Variants in HDHD2 observed in about 807,000 individuals in gnomAD.
HDHD2 encodes haloacid dehalogenase-like hydrolase domain-containing protein 2.
Under a neutral mutation model 24.8 loss-of-function variants are expected in HDHD2, and 26 were observed. The observed-to-expected ratio is 1.05, with a 90% confidence interval of 0.77 to 1.45. HDHD2 has a LOEUF of 1.45. HDHD2 is among the 40% of genes most tolerant of loss of function. The pLI, the probability that HDHD2 is intolerant of heterozygous loss-of-function variation, is 0.00. For synonymous variants in HDHD2, 128 were observed against 114.9 expected (o/e 1.11, Z -0.73); for missense variants, 299 against 313.4 (o/e 0.95, Z 0.35).
At chr18:47,111,674 C>A (rs1480229137) in intron 6 of HDHD2, 1 of 985,310 alleles carries the variant, frequency 1.0e-6, no homozygotes, top group African/African-American at 1.7e-5. Context: ...ATCTGCAAGG[C>A]TCCAATGGTT....
At chr18:47,134,037 A>G (rs1248724168) in intron 3 of HDHD2, among the ~76,000 whole-genome samples, 1 of 152,240 alleles carries the variant, frequency 6.6e-6, no homozygotes, top group Non-Finnish European at 1.5e-5. Flanking sequence ...TGTTTTACAC[A>G]TGAAGTCCTT....
chr18:47,121,641 T>C (rs2063608005), intron 4 of HDHD2, among the ~76,000 whole-genome samples: 1 of 152,170 alleles, frequency 6.6e-6, no homozygotes, highest in African/African-American at 2.4e-5. Context: ...AATTCTTTAA[T>C]AGCTTCTCAT....
At chr18:47,144,068 T>C (rs1025802529) in intron 1 of HDHD2, among the ~76,000 whole-genome samples, 1 of 151,404 alleles carries the variant, frequency 6.6e-6, no homozygotes, top group Admixed American at 6.6e-5. Flanking sequence ...ATTATACACA[T>C]GTGTGTGTGC....
At chr18:47,145,203 C>T (rs1188104435) in intron 1 of HDHD2, among the ~76,000 whole-genome samples, 2 of 152,222 alleles carry the variant, frequency 1.3e-5, no homozygotes, top group Non-Finnish European at 2.9e-5. Context: ...AACATTTAGA[C>T]TCAGATTCAA....
intron 4 of HDHD2, among the ~76,000 whole-genome samples, chr18:47,122,519 T>C (rs2063617098): frequency 6.6e-6 from 1 of 152,282 alleles, no homozygotes. Context: ...CTGTCCCTGA[T>C]TGAGAACCGC....
At chr18:47,123,609 C>G (rs2063628182) in intron 4 of HDHD2, among the ~76,000 whole-genome samples, 1 of 151,820 alleles carries the variant, frequency 6.6e-6, no homozygotes, top group Non-Finnish European at 1.5e-5. Context: ...AACAAAAATA[C>G]AATTTACAAT....
chr18:47,111,540 T>C, intron 6 of HDHD2: 1 of 985,418 alleles, frequency 1.0e-6, no homozygotes, highest in Non-Finnish European at 1.2e-6. Context: ...TTTTCCAGAC[T>C]TCATTTCATT....
chr18:47,115,380 G>A, intron 4 of HDHD2, 32 bp from the exon 5 acceptor site: 1 of 1,547,750 alleles, frequency 6.5e-7, no homozygotes, highest in Non-Finnish European at 8.9e-7. Context: ...AAAACAAATT[G>A]GCTAAAAGCA....
At chr18:47,146,714 G>A (rs1238575603) in intron 1 of HDHD2, among the ~76,000 whole-genome samples, 1 of 152,136 alleles carries the variant, frequency 6.6e-6, no homozygotes, top group African/African-American at 2.4e-5. Context: ...AAATCTACTA[G>A]AGGGTGAAAA....
chr18:47,125,566 AAAAC>A (rs2063650739), intron 4 of HDHD2, among the ~76,000 whole-genome samples: 2 of 152,240 alleles, frequency 1.3e-5, no homozygotes, highest in Non-Finnish European at 2.9e-5. Flanking sequence ...AACAACAACA[AAAAC>A]AAAGAAGCAA....
Position 47,134,615 on chromosome 18 carries a change from T to A in HDHD2, c.191A>T (p.Glu64Val). ...TATTTCATCTTCAGAGATATCAAAT[T>A]CCAATTTTCTCAACCTTTCTAACAG... ...QDLLERLRKLEFDISEDEIFT... is the reference protein window; with the variant it reads ...QDLLERLRKLVFDISEDEIFT... Residue 64 changes from glutamate (E) to valine (V), a missense_variant, in exon 3 of 7, where the codon GAA (glutamate) becomes GTA (valine). Glu to Val is a moderately radical substitution (Grantham distance 121, BLOSUM62 -2). Coordinates refer to ENST00000300605, the MANE Select transcript of HDHD2 (RefSeq NM_032124.5). 9 of 1,614,078 alleles carry A rather than the reference T, an allele frequency of 5.6e-6. No individual in the cohort carries two copies. The highest frequency in any genetic ancestry group is 7.6e-6 in the Non-Finnish European group (9 of 1,179,926).
intron 2 of HDHD2, 96 bp from the exon 3 acceptor site, chr18:47,134,800 G>A: frequency 1.1e-6 from 1 of 945,418 alleles, no homozygotes; most frequent in South Asian, 1.6e-5. Context: ...ATGTTTTTAT[G>A]GCCAGCAACA....
chr18:47,135,036 T>C (rs1010327286), intron 2 of HDHD2, among the ~76,000 whole-genome samples: 11 of 152,184 alleles, frequency 7.2e-5, no homozygotes, highest in African/African-American at 2.7e-4. Flanking sequence ...CAACAGATTT[T>C]TTTTTTACTT....
At position 47,136,303 on chromosome 18, in the gene HDHD2, A is replaced by G. The variant is rs1459316624; in HGVS notation, c.101+36T>C. ...CTGCCGTGGTAAAATGGCACTTACA[A>G]ACATATTTGTCAGCTGAACCTGGAG... On this transcript the variant is annotated intron_variant, in intron 2 of 6. Transcript: ENST00000300605. 3 of 1,611,818 alleles carry G rather than the reference A, an allele frequency of 1.9e-6. No individual in the cohort carries two copies. In the South Asian group the frequency reaches 3.3e-5, roughly 18 times the overall value.
intron 1 of HDHD2, among the ~76,000 whole-genome samples, chr18:47,149,404 G>A (rs2063906768): frequency 6.6e-6 from 1 of 152,028 alleles, no homozygotes; most frequent in Non-Finnish European, 1.5e-5. Flanking sequence ...AACCACTGTA[G>A]GCATTCAATA....
chr18:47,113,020 A>G lies in HDHD2; in HGVS notation c.633T>C (p.Gly211=). ...MIGDDCRDDV[G]GAQDVGMLGI... ...CCAGCATGCCGACATCTTGAGCCCC[A>G]CCAACATCATCCCTGCAATCCTAGA... The change falls in exon 6 of 7, where the codon GGT becomes GGC. Residue 211 remains glycine, a synonymous_variant. Transcript: ENST00000300605. 6.2e-7 allele frequency: 1 copy of G among 1,614,148 alleles called. No individual in the cohort carries two copies.
Position 47,130,267 on chromosome 18 carries a change from A to G in HDHD2, c.372T>C (p.Tyr124=). 1 of 1,604,256 alleles carries G rather than the reference A, an allele frequency of 6.2e-7. No homozygotes were observed. The highest frequency in any genetic ancestry group is 8.5e-7 in the Non-Finnish European group (1 of 1,172,082). ...VMGLAPEHFH[Y]QILNQAFRLL... ...ACCGGAATGCTTGATTCAGAATTTG[A>G]TAATGAAAATGTTCTGGTGCCAATC... is the stretch of plus-strand genomic sequence containing the variant. Residue 124 remains tyrosine, a synonymous_variant, in exon 4 of 7, where the codon TAT becomes TAC. Transcript: ENST00000300605.
chr18:47,108,582 C>A lies in HDHD2; in HGVS notation c.*100G>T, dbSNP rs2063491374. 1.5e-6 allele frequency: 1 copy of A among 662,296 alleles called. No individual in the cohort carries two copies. The highest frequency in any genetic ancestry group is 1.8e-5 in the African/African-American group (1 of 54,570). 41.0% of individuals were successfully genotyped at this position (662,296 alleles called of 1,614,324 possible). A position where few individuals can be genotyped will look rare whatever the true frequency, so the allele number is the denominator to read the frequency against. On this transcript the variant is annotated 3_prime_UTR_variant, in exon 7 of 7. Coordinates refer to ENST00000300605, the MANE Select transcript of HDHD2 (RefSeq NM_032124.5). ...CAAAAGAGGGTTAAAAAGCGATCAG[C>A]ACTGACTGGTGTCTACCGATGCTGG... is the stretch of plus-strand genomic sequence containing the variant.
chr18:47,119,433 A>C (rs1355459233), intron 4 of HDHD2, among the ~76,000 whole-genome samples: 2 of 152,220 alleles, frequency 1.3e-5, no homozygotes, highest in Admixed American at 1.3e-4. Flanking sequence ...CCAGGAGTAG[A>C]TTCCATCTCA....
Sources: allele counts gnomAD v4.1 joint callset (sites outside exome capture counted in the v4.1 genomes callset), GRCh38; gene constraint gnomAD v4.1.1; transcripts MANE v1.5; gene names NCBI Gene and HGNC (gene_info 2026-07-23, HGNC 2026-07-21).